The following CTTNBP2NL variants were observed in gnomAD, a reference collection of about 807,000 sequenced individuals.
CTTNBP2NL encodes the protein CTTNBP2 N-terminal-like protein.
A neutral mutation model predicts 32.5 loss-of-function variants in CTTNBP2NL; 16 were observed. That is an observed-to-expected ratio of 0.49 (90% confidence interval 0.33 to 0.75). The LOEUF (loss-of-function observed/expected upper bound fraction) is 0.75. Among genes scored for constraint, CTTNBP2NL ranks in the 30% least tolerant of loss-of-function variants. The pLI is 0.02. For synonymous variants in CTTNBP2NL, 298 were observed against 289.4 expected, an observed-to-expected ratio of 1.03 and a Z score of -0.30; for missense variants, 645 against 756.0, an observed-to-expected ratio of 0.85 and a Z score of 1.72.
chr1:112,410,932 G>A (rs913095513), intron 1 of CTTNBP2NL, among the ~76,000 whole-genome samples: 3 of 152,210 alleles, frequency 2.0e-5, no homozygotes, highest in Non-Finnish European at 4.4e-5. Context: ...AAAATAAGTA[G>A]GGAATGAGTC....
At chr1:112,418,701 G>A (rs1324928265) in intron 3 of CTTNBP2NL, among the ~76,000 whole-genome samples, 11 of 152,084 alleles carry the variant, frequency 7.2e-5, no homozygotes, top group African/African-American at 1.4e-4. Flanking sequence ...GAAGCAGAGA[G>A]TGGAACCACA....
At chr1:112,401,472 T>A (rs1283439335) in intron 1 of CTTNBP2NL, among the ~76,000 whole-genome samples, 1 of 152,226 alleles carries the variant, frequency 6.6e-6, no homozygotes, top group Non-Finnish European at 1.5e-5. Context: ...AGCATCATCC[T>A]GAATGTCATA....
intron 3 of CTTNBP2NL, among the ~76,000 whole-genome samples, chr1:112,434,150 C>G (rs1649658263): frequency 6.6e-6 from 1 of 152,212 alleles, no homozygotes; most frequent in Non-Finnish European, 1.5e-5. Context: ...CCTATTTACT[C>G]TCTTCCTCAG....
intron 1 of CTTNBP2NL, among the ~76,000 whole-genome samples, chr1:112,408,259 G>A (rs1648745309): frequency 7.4e-6 from 1 of 134,250 alleles, no homozygotes; most frequent in African/African-American, 3.1e-5. Flanking sequence ...GCCCAGGCTG[G>A]CCTTGAGCGC....
intron 3 of CTTNBP2NL, among the ~76,000 whole-genome samples, chr1:112,423,162 T>C (rs1235498486): frequency 6.6e-6 from 1 of 152,192 alleles, no homozygotes; most frequent in Non-Finnish European, 1.5e-5. Context: ...TTATTTGTTT[T>C]CTCATTATTT....
chr1:112,407,840 C>CTTTTTTTTTTTTTTTTT lies in CTTNBP2NL; in HGVS notation c.-133-4348_-133-4332dup, dbSNP rs869134559. 1.2e-4 allele frequency among the ~76,000 whole-genome samples: 12 copies of CTTTTTTTTTTTTTTTTT among 96,068 alleles called. 1 individual carries two copies. Among genetic ancestry groups the CTTTTTTTTTTTTTTTTT allele is most frequent in the African/African-American group, 1.6e-4 (4 of 24,806 alleles). 63.0% of individuals were successfully genotyped at this position (96,068 alleles called of 152,430 possible). On this transcript the variant is annotated intron_variant, in intron 1 of 5. Coordinates refer to ENST00000271277, the MANE Select transcript of CTTNBP2NL (RefSeq NM_018704.3). ...ACAAAAACGGCTTTCTTTTTTCTTT[C>CTTTTTTTTTTTTTTTTT]TTTTTTTTTTTTTTTTTTTTTTGAG...
At chr1:112,439,175 T>G (rs896752778) in intron 3 of CTTNBP2NL, among the ~76,000 whole-genome samples, 15 of 152,018 alleles carry the variant, frequency 9.9e-5, no homozygotes, top group Non-Finnish European at 2.1e-4. Flanking sequence ...TGCTTCTGTT[T>G]GCCTGCCCTG....
chr1:112,397,018 GT>G (rs35319826), intron 1 of CTTNBP2NL, among the ~76,000 whole-genome samples: 15,636 of 152,138 alleles, frequency 0.1, 953 homozygotes, highest in Non-Finnish European at 0.14. Flanking sequence ...GGTTTCTTAG[GT>G]TTGAATTGCG....
chr1:112,411,671 C>G (rs1230855317), intron 1 of CTTNBP2NL, among the ~76,000 whole-genome samples: 2 of 145,000 alleles, frequency 1.4e-5, no homozygotes, highest in Non-Finnish European at 3.0e-5. Flanking sequence ...TTAAAAATTT[C>G]CGTTGTAATT....
Position 112,406,534 on chromosome 1 carries a change from A to T in CTTNBP2NL, c.-133-5660A>T, listed in dbSNP as rs114303901. 9.7e-3 allele frequency among the ~76,000 whole-genome samples: 1,484 copies of T among 152,296 alleles called. 36 individuals are homozygous for T. The highest frequency in any genetic ancestry group is 0.034 in the African/African-American group (1,401 of 41,554). On this transcript the variant is annotated intron_variant, in intron 1 of 5. Transcript: ENST00000271277. Reference sequence around the variant, plus strand: ...TTAAATGAGGAGGATGATGATAATGATGAATTTGTTGGGGATGGTTATAGC... The same window carrying T: ...TTAAATGAGGAGGATGATGATAATGTTGAATTTGTTGGGGATGGTTATAGC...
chr1:112,446,911 C>G (rs1207137764), intron 3 of CTTNBP2NL, among the ~76,000 whole-genome samples: 1 of 152,126 alleles, frequency 6.6e-6, no homozygotes, highest in Non-Finnish European at 1.5e-5. Flanking sequence ...TTTTCTTTCT[C>G]CATCCTAAAT....
chr1:112,394,215 A>G (rs537512371), upstream of CTTNBP2NL, among the ~76,000 whole-genome samples: 71 of 152,036 alleles, frequency 4.7e-4, no homozygotes, highest in African/African-American at 1.7e-3. Flanking sequence ...TAAAAAAAAA[A>G]AAAAAAAAGA....
chr1:112,400,025 C>A (rs57399198), intron 1 of CTTNBP2NL, among the ~76,000 whole-genome samples: 2 of 151,988 alleles, frequency 1.3e-5, no homozygotes, highest in Non-Finnish European at 2.9e-5. Context: ...GCCGAGATCA[C>A]GCCATTGCAC....
intron 3 of CTTNBP2NL, among the ~76,000 whole-genome samples, chr1:112,438,267 G>T (rs774559673): frequency 6.6e-6 from 1 of 152,056 alleles, no homozygotes; most frequent in Non-Finnish European, 1.5e-5. Context: ...CACCTCCCTG[G>T]TTAGTTGTAT....
At chr1:112,404,341 C>G (rs997670581) in intron 1 of CTTNBP2NL, among the ~76,000 whole-genome samples, 1 of 152,150 alleles carries the variant, frequency 6.6e-6, no homozygotes, top group Non-Finnish European at 1.5e-5. Flanking sequence ...TTTATTTCTG[C>G]TAGAGGATTA....
chr1:112,454,584 G>A lies in CTTNBP2NL; in HGVS notation c.438+28G>A, dbSNP rs774754114. 6 of 1,458,488 alleles carry A rather than the reference G, an allele frequency of 4.1e-6. No individual in the cohort carries two copies. The Admixed American group carries it at 6.7e-5, about 16-fold the overall frequency. The allele number at this position is 1,458,488 out of a possible 1,614,324, so 90.3% of individuals were successfully genotyped here. ...AATTAAGGTAGAGGGATTCACAGTA[G>A]CATTTGCCTGGAACAGCATTTCCCA... On this transcript the variant is annotated intron_variant, in intron 5 of 5. Transcript: ENST00000271277.
At chr1:112,447,375 G>A (rs984951694) in intron 3 of CTTNBP2NL, among the ~76,000 whole-genome samples, 1 of 150,380 alleles carries the variant, frequency 6.6e-6, no homozygotes, top group African/African-American at 2.5e-5. Context: ...CACACCATAA[G>A]GCTAGAAAGA....
chr1:112,430,475 T>C lies in CTTNBP2NL; in HGVS notation c.99+14211T>C, dbSNP rs1474536393. Among the ~76,000 whole-genome samples the C allele has an allele frequency of 6.6e-5, 10 of 151,374 alleles. No homozygotes were observed. The East Asian group carries it at 2.0e-3, about 30-fold the overall frequency. ...CTGGTCTCGAACTCCTGACCTCAAGTGATCCACCCGCCTCGGCCTTCCAGA... is the reference window on the plus strand; with the variant it reads ...CTGGTCTCGAACTCCTGACCTCAAGCGATCCACCCGCCTCGGCCTTCCAGA... On this transcript the variant is annotated intron_variant, in intron 3 of 5. Transcript: ENST00000271277.
rs774925027 is a variant in CTTNBP2NL at position 112,459,889 on chromosome 1, A to C, written c.*2477A>C. 5.9e-5 allele frequency: 9 copies of C among 152,208 alleles called. No homozygotes were observed. The highest frequency in any genetic ancestry group is 8.8e-5 in the Non-Finnish European group (6 of 68,040). The allele number at this position is 152,208 out of a possible 1,614,324, so 9.4% of individuals were successfully genotyped here. A position where few individuals can be genotyped will look rare whatever the true frequency, so the allele number is the denominator to read the frequency against. On this transcript the variant is annotated 3_prime_UTR_variant, in exon 6 of 6. Coordinates refer to ENST00000271277, the MANE Select transcript of CTTNBP2NL (RefSeq NM_018704.3). ...AATAATGTATTTCTTTTACAGTGTAATATGGGGGTGGGGATATGCGAAAGA... is the reference window on the plus strand; with the variant it reads ...AATAATGTATTTCTTTTACAGTGTACTATGGGGGTGGGGATATGCGAAAGA...
Sources: allele counts gnomAD v4.1 joint callset (sites outside exome capture counted in the v4.1 genomes callset), GRCh38; gene constraint gnomAD v4.1.1; transcripts MANE v1.5; gene names NCBI Gene and HGNC (gene_info 2026-07-23, HGNC 2026-07-21).